SLC44A5: variants seen among roughly 807,000 people sequenced by gnomAD.
SLC44A5 encodes solute carrier family 44 member 5.
Under a neutral mutation model 101.8 loss-of-function variants are expected in SLC44A5, and 57 were observed. That is an observed-to-expected ratio of 0.56 (90% CI 0.45 to 0.70). SLC44A5 has a LOEUF of 0.70. Ranked by LOEUF, SLC44A5 falls within the 30% of genes least tolerant of loss-of-function variation. SLC44A5 has a pLI of 0.00. For synonymous variants in SLC44A5, 281 were observed against 290.9 expected, an observed-to-expected ratio of 0.97 and a Z score of 0.35; for missense variants, 737 against 853.1, an observed-to-expected ratio of 0.86 and a Z score of 1.70.
At chr1:75,679,601 T>C in the SLC44A5 span, among the ~76,000 whole-genome samples, 1 of 150,562 alleles carries the variant, frequency 6.6e-6, no homozygotes, top group Non-Finnish European at 1.5e-5. Flanking sequence ...CTAAAAGAGC[T>C]CCTGAAGGAA....
chr1:75,361,579 G>A (rs979159910), intron 3 of SLC44A5, among the ~76,000 whole-genome samples: 5 of 152,018 alleles, frequency 3.3e-5, no homozygotes, highest in Admixed American at 6.6e-5. Flanking sequence ...TTTGTCAAAC[G>A]CTTTTGTGCA....
chr1:75,294,715 C>A (rs1237981474), intron 5 of SLC44A5, among the ~76,000 whole-genome samples: 2 of 152,026 alleles, frequency 1.3e-5, no homozygotes, highest in African/African-American at 4.8e-5. Flanking sequence ...GAAGAAAATC[C>A]TGCCAAGTTG....
intron 2 of SLC44A5, among the ~76,000 whole-genome samples, chr1:75,538,292 T>C (rs1326677580): frequency 6.6e-6 from 1 of 152,180 alleles, no homozygotes; most frequent in Non-Finnish European, 1.5e-5. Flanking sequence ...TTAACCTTAG[T>C]AATAGCATCT....
At chr1:75,283,745 G>C (rs1031993920) in intron 5 of SLC44A5, among the ~76,000 whole-genome samples, 2 of 148,526 alleles carry the variant, frequency 1.3e-5, no homozygotes, top group African/African-American at 4.9e-5. Flanking sequence ...ACCATTTGTT[G>C]AGCAGGATTT....
intron 1 of SLC44A5, among the ~76,000 whole-genome samples, chr1:75,609,577 C>T (rs1675532684): frequency 6.6e-6 from 1 of 151,794 alleles, no homozygotes; most frequent in African/African-American, 2.4e-5. Flanking sequence ...TTCGGTAGTG[C>T]TTCAATTTGG....
chr1:75,571,194 G>C (rs1480975163), intron 1 of SLC44A5, among the ~76,000 whole-genome samples: 4 of 151,980 alleles, frequency 2.6e-5, no homozygotes, highest in African/African-American at 9.7e-5. Flanking sequence ...AATATATTAT[G>C]AAAAAACATA....
chr1:75,205,106 G>T (rs1334180745), intron 23 of SLC44A5: 2 of 152,184 alleles, frequency 1.3e-5, no homozygotes, highest in Non-Finnish European at 1.5e-5. Context: ...TCTCAAGAAT[G>T]TAAGCCAAGA....
chr1:75,602,418 A>C (rs925731061), intron 1 of SLC44A5, among the ~76,000 whole-genome samples: 13 of 152,174 alleles, frequency 8.5e-5, no homozygotes. Context: ...AATAATATGT[A>C]TTAACGTAAG....
intron 4 of SLC44A5, among the ~76,000 whole-genome samples, chr1:75,323,883 A>C (rs1656373849): frequency 6.6e-6 from 1 of 152,194 alleles, no homozygotes; most frequent in African/African-American, 2.4e-5. Context: ...CTAGTATTTC[A>C]AAGCAACCAA....
chr1:75,227,590 A>T, intron 13 of SLC44A5, 136 bp downstream of exon 13: 1 of 615,168 alleles, frequency 1.6e-6, no homozygotes, highest in Non-Finnish European at 2.6e-6. Flanking sequence ...TAGTTAGAGG[A>T]TTATAGACAC....
intron 13 of SLC44A5, among the ~76,000 whole-genome samples, chr1:75,227,270 T>C (rs539698978): frequency 6.6e-6 from 1 of 152,054 alleles, no homozygotes; most frequent in African/African-American, 2.4e-5. Flanking sequence ...GAGGCTGAGG[T>C]GGTAGAATTG....
Position 75,263,314 on chromosome 1 carries a change from G to A in SLC44A5, c.260+11644C>T, listed in dbSNP as rs1011591595. On this transcript the variant is annotated intron_variant, in intron 6 of 23. Transcript: ENST00000370859. ...AAACAAACAACACCATCAAAAAGTG[G>A]CTGAAGGATATGAACAGACACTTCT... 8.0e-4 allele frequency among the ~76,000 whole-genome samples: 121 copies of A among 152,096 alleles called. 1 individual carries two copies. Among genetic ancestry groups the A allele is most frequent in the Non-Finnish European group, 2.6e-4 (18 of 68,024 alleles).
intron 6 of SLC44A5, among the ~76,000 whole-genome samples, chr1:75,264,962 A>G (rs921770203): frequency 1.3e-5 from 2 of 152,200 alleles, no homozygotes; most frequent in Admixed American, 1.3e-4. Context: ...CAGAAATGAA[A>G]AACGCTATCA....
At chr1:75,484,657 C>A (rs1335127710) in intron 2 of SLC44A5, among the ~76,000 whole-genome samples, 1 of 152,174 alleles carries the variant, frequency 6.6e-6, no homozygotes, top group Non-Finnish European at 1.5e-5. Flanking sequence ...ACATTGCCCT[C>A]TGCATTGCCC....
the SLC44A5 span, among the ~76,000 whole-genome samples, chr1:75,673,579 T>TA: frequency 1.1e-4 from 17 of 152,024 alleles, no homozygotes; most frequent in African/African-American, 4.1e-4. Context: ...ACATAGGTGG[T>TA]AGGTAGGGAG....
chr1:75,699,598 C>T, the SLC44A5 span, among the ~76,000 whole-genome samples: 5 of 123,988 alleles, frequency 4.0e-5, no homozygotes, highest in East Asian at 4.4e-4. Context: ...CACCAATTAA[C>T]GAAAAAAAAA....
chr1:75,670,674 A>T, the SLC44A5 span, among the ~76,000 whole-genome samples: 1 of 152,214 alleles, frequency 6.6e-6, no homozygotes. Flanking sequence ...GAATTGGGGA[A>T]GAAGAAGAGT....
chr1:75,495,033 G>GA (rs1668597423), intron 2 of SLC44A5, among the ~76,000 whole-genome samples: 1 of 152,160 alleles, frequency 6.6e-6, no homozygotes, highest in Non-Finnish European at 1.5e-5. Flanking sequence ...GACTGGGAGA[G>GA]ATGGCTGTCT....
At chr1:75,236,753 G>A (rs913337592) in intron 11 of SLC44A5, among the ~76,000 whole-genome samples, 12 of 151,990 alleles carry the variant, frequency 7.9e-5, no homozygotes, top group African/African-American at 2.4e-4. Flanking sequence ...GTACTTTAGT[G>A]AATAAAATTA....
Sources: gnomAD v4.1 joint callset for allele counts (sites outside exome capture counted in the v4.1 genomes callset) on GRCh38, gnomAD v4.1.1 for gene constraint, MANE v1.5 for transcripts, NCBI Gene and HGNC (gene_info 2026-07-23, HGNC 2026-07-21) for gene names.